Variants in ARHGAP33 observed in about 807,000 individuals in gnomAD.
ARHGAP33 encodes rho GTPase-activating protein 33.
In ARHGAP33, 57 loss-of-function variants were observed where a neutral mutation model predicts 126.2. The ratio of observed to expected loss-of-function variants is 0.45; its 90% confidence interval spans 0.36 to 0.56. ARHGAP33 has a LOEUF of 0.56. Among genes scored for constraint, ARHGAP33 ranks in the 20% least tolerant of loss-of-function variants. The pLI is 0.00. For synonymous variants in ARHGAP33, 711 were observed against 755.0 expected (o/e 0.94, Z 0.95); for missense variants, 1,500 against 1,748.3 (o/e 0.86, Z 2.53).
Position 35,787,805 on chromosome 19 carries a change from CAG to C in ARHGAP33, c.3241_3242del (p.Arg1081GlyfsTer7). On this transcript the variant is annotated frameshift_variant, in exon 21 of 21. Transcript: ENST00000007510. LOFTEE classifies it high-confidence loss of function. ...CTCTGGGCCCCCCTGCACCACTCGACAGGGGAGAGAACCTGTACTATGAGATC... is the reference window on the plus strand; with the variant it reads ...CTCTGGGCCCCCCTGCACCACTCGACGGGAGAGAACCTGTACTATGAGATC... ...SSLGPPAPLD[R>X]GENLYYEIGA... The C allele has an allele frequency of 1.3e-6, 2 of 1,599,174 alleles. No individual in the cohort carries two copies. Among genetic ancestry groups the C allele is most frequent in the Non-Finnish European group, 1.7e-6 (2 of 1,174,666 alleles).
rs1189083346 is a variant in ARHGAP33 at position 35,787,252 on chromosome 19, C to G, written c.2687C>G (p.Pro896Arg). The G allele has an allele frequency of 6.2e-7, 1 of 1,612,142 alleles. No homozygotes were observed. The part of the protein sequence containing the change: ...GGAPPPPPKN[P>R]ARLMALALAE... Reference sequence around the variant, plus strand: ...GCCCCACCCCCGCCCCCTAAGAACCCAGCACGCCTCATGGCCCTGGCCCTG... The same window carrying G: ...GCCCCACCCCCGCCCCCTAAGAACCGAGCACGCCTCATGGCCCTGGCCCTG... Residue 896 changes from proline to arginine, a missense_variant, in exon 21 of 21, where the codon CCA (proline) becomes CGA (arginine). Physicochemically the swap from Pro to Arg is moderately radical, Grantham distance 103 (BLOSUM62 -2). Around this residue, in one of 6 missense-constraint regions of ARHGAP33, gnomAD observed 642 missense variants for 634.0 expected, o/e 1.01. Coordinates refer to ENST00000007510, the MANE Select transcript of ARHGAP33 (RefSeq NM_001366178.1).
chr19:35,784,199 G>A lies in ARHGAP33; in HGVS notation c.1449G>A (p.Met483Ile). 1 of 1,611,886 alleles carries A rather than the reference G, an allele frequency of 6.2e-7. No individual in the cohort carries two copies. Among genetic ancestry groups the A allele is most frequent in the Non-Finnish European group, 8.5e-7 (1 of 1,178,774 alleles). The change falls in exon 16 of 21, where the codon ATG (methionine) becomes ATA (isoleucine). Residue 483 changes from methionine to isoleucine, a missense_variant. Coordinates refer to ENST00000007510, the MANE Select transcript of ARHGAP33 (RefSeq NM_001366178.1). ...LRSMELESVG[M>I]GGAAAFREVR... ...CCATGGAGCTGGAGTCAGTGGGAATGGGTGGCGCGGCGGCGTTCCGGGAAG... is the reference window on the plus strand; with the variant it reads ...CCATGGAGCTGGAGTCAGTGGGAATAGGTGGCGCGGCGGCGTTCCGGGAAG...
At position 35,786,858 on chromosome 19, in the gene ARHGAP33, A is replaced by T; in HGVS notation, c.2388A>T (p.Ser796=). The T allele has an allele frequency of 6.3e-7, 1 of 1,596,544 alleles. No individual in the cohort carries two copies. The highest frequency in any genetic ancestry group is 8.5e-7 in the Non-Finnish European group (1 of 1,174,566). Residue 796 remains serine, a synonymous_variant, in exon 20 of 21, where the codon TCA becomes TCT. Transcript: ENST00000007510. The surrounding 1 kb of genome is among the most constrained non-coding windows in gnomAD (Gnocchi z 7.0). The part of the protein sequence containing the change: ...SPASPAALDI[S]EPLAVSVPPA... The stretch of plus-strand genomic sequence containing the variant: ...CCTCGCCTGCTGCCCTAGACATCTC[A>T]GAGCCCCTGGCTGTATCAGTGCCAC...
chr19:35,785,809 T>C, intron 19 of ARHGAP33: 1 of 1,188,696 alleles, frequency 8.4e-7, no homozygotes, highest in South Asian at 2.0e-5. Context: ...CCCCTTCGAG[T>C]TCCTCCCCAC....
Position 35,787,961 on chromosome 19 carries a change from C to A in ARHGAP33, c.3396C>A (p.Pro1132=). The A allele has an allele frequency of 2.1e-6, 3 of 1,435,266 alleles. No individual in the cohort carries two copies. Among genetic ancestry groups the A allele is most frequent in the East Asian group, 6.0e-5 (2 of 33,364 alleles). The allele number at this position is 1,435,266 out of a possible 1,614,324, so 88.9% of individuals were successfully genotyped here. A position where few individuals can be genotyped will look rare whatever the true frequency, so the allele number is the denominator to read the frequency against. The part of the protein sequence containing the change: ...LGQSPPLHRS[P]DFLLSYPPAP... ...AATCACCCCCACTCCACAGGTCCCC[C>A]GACTTCCTGCTCAGCTACCCGCCAG... Residue 1132 remains proline (P), a synonymous_variant, in exon 21 of 21, where the codon CCC becomes CCA. Coordinates refer to ENST00000007510, the MANE Select transcript of ARHGAP33 (RefSeq NM_001366178.1).
intron 1 of ARHGAP33, among the ~76,000 whole-genome samples, chr19:35,776,197 C>CTGAG (rs1971450652): frequency 6.7e-6 from 1 of 150,344 alleles, no homozygotes; most frequent in Admixed American, 6.6e-5. Context: ...CCGCATCAGT[C>CTGAG]TGAGCCTTTG....
Position 35,777,913 on chromosome 19 carries a change from G to A in ARHGAP33, c.189+5G>A. The A allele has an allele frequency of 8.1e-6, 13 of 1,614,078 alleles. No individual in the cohort carries two copies. The highest frequency in any genetic ancestry group is 1.1e-5 in the Non-Finnish European group (13 of 1,179,938). On this transcript the variant is annotated splice_donor_5th_base_variant and intron_variant, in intron 3 of 20. Coordinates refer to ENST00000007510, the MANE Select transcript of ARHGAP33 (RefSeq NM_001366178.1). ...GTTGACTTTGGCCACATTCAGGTAT[G>A]GGGGCTTTGCATTTGCACCCAGGAG...
intron 3 of ARHGAP33, 43 bp downstream of exon 3, chr19:35,777,951 C>G (rs1971546239): frequency 6.3e-7 from 1 of 1,592,622 alleles, no homozygotes; most frequent in Non-Finnish European, 8.6e-7. Context: ...AAGACAATAT[C>G]CTACCCAACC....
rs890651621 is a variant in ARHGAP33, at chr19:35,786,473, G to A, written c.2003G>A (p.Gly668Asp). ...TCCAGCAGCGACGCTTTCCCTGTGG[G>A]CCCAGCACCTGCTGGCTCCTGCGAG... The part of the protein sequence containing the change: ...PHSSSDAFPV[G>D]PAPAGSCESL... Residue 668 changes from glycine (G) to aspartate (D), a missense_variant, in exon 20 of 21, where the codon GGC (glycine) becomes GAC (aspartate). Coordinates refer to ENST00000007510, the MANE Select transcript of ARHGAP33 (RefSeq NM_001366178.1). This position sits in a 1 kb window ranked among gnomAD's most constrained non-coding sequence, Gnocchi z 7.0. The A allele has an allele frequency of 1.0e-5, 16 of 1,535,800 alleles. No individual in the cohort carries two copies. Among genetic ancestry groups the A allele is most frequent in the Non-Finnish European group, 1.4e-5 (16 of 1,146,776 alleles).
intron 19 of ARHGAP33, 27 bp downstream of exon 19, chr19:35,785,510 G>A (rs777970780): frequency 1.1e-5 from 18 of 1,613,840 alleles, no homozygotes; most frequent in South Asian, 4.4e-5. Flanking sequence ...ATTGGGGGGC[G>A]CTACCTGTGC....
intron 16 of ARHGAP33, chr19:35,784,577 A>T (rs1457843796): frequency 1.2e-5 from 16 of 1,306,800 alleles, no homozygotes; most frequent in Non-Finnish European, 1.5e-5. Context: ...GCTTGGGGCC[A>T]TGGGTCCACC....
rs1446853330 is a variant in ARHGAP33, at chr19:35,788,362, C to T, written c.3797C>T (p.Pro1266Leu). Residue 1266 changes from proline to leucine, a missense_variant, in exon 21 of 21, where the codon CCC (proline) becomes CTC (leucine). This residue lies in a region of ARHGAP33 where 642 missense variants were observed against 634.0 expected (regional missense o/e 1.01). Coordinates refer to ENST00000007510, the MANE Select transcript of ARHGAP33 (RefSeq NM_001366178.1). ...NGGQRGEGAG[P>L]PPPYPTPSWS... ...GGGCAAAGAGGGGAGGGGGCTGGTCCCCCACCCCCTTACCCCACTCCCAGC... is the reference window on the plus strand; with the variant it reads ...GGGCAAAGAGGGGAGGGGGCTGGTCTCCCACCCCCTTACCCCACTCCCAGC... The T allele has an allele frequency of 6.3e-7, 1 of 1,599,690 alleles. No homozygotes were observed. The highest frequency in any genetic ancestry group is 8.5e-7 in the Non-Finnish European group (1 of 1,174,074).
At position 35,788,745 on chromosome 19, in the gene ARHGAP33, GA is replaced by G; in HGVS notation, c.*317del. On this transcript the variant is annotated 3_prime_UTR_variant, in exon 21 of 21. Transcript: ENST00000007510. ...CCTGACCTGTGCACGGGGATGGGGGGACAACTCCTACCCTTCTTTCCCCACA... is the reference window on the plus strand; with the variant it reads ...CCTGACCTGTGCACGGGGATGGGGGGCAACTCCTACCCTTCTTTCCCCACA... The G allele has an allele frequency of 3.3e-6, 1 of 306,140 alleles. No individual in the cohort carries two copies. The highest frequency in any genetic ancestry group is 6.0e-6 in the Non-Finnish European group (1 of 166,500). 19.0% of individuals were successfully genotyped at this position (306,140 alleles called of 1,614,324 possible).
At chr19:35,777,957 C>T (rs1277337478) in intron 3 of ARHGAP33, 49 bp downstream of exon 3, 1 of 1,584,044 alleles carries the variant, frequency 6.3e-7, no homozygotes, top group East Asian at 2.2e-5. Context: ...ATATCCTACC[C>T]AACCTTGCAA....
At chr19:35,787,097 C>A (rs1378496711) in intron 20 of ARHGAP33, 25 bp downstream of exon 20, 1 of 1,592,542 alleles carries the variant, frequency 6.3e-7, no homozygotes, top group African/African-American at 1.3e-5. Context: ...TACCCCACCC[C>A]TGTCCCCGCC....
At position 35,786,522 on chromosome 19, in the gene ARHGAP33, C is replaced by G. The variant is rs892118823; in HGVS notation, c.2052C>G (p.Ser684=). 4 of 1,535,674 alleles carry G rather than the reference C, an allele frequency of 2.6e-6. No homozygotes were observed. Among genetic ancestry groups the G allele is most frequent in the East Asian group, 2.4e-5 (1 of 40,904 alleles). Residue 684 remains serine (S), a synonymous_variant, in exon 20 of 21, where the codon TCC becomes TCG. Transcript: ENST00000007510. This position sits in a 1 kb window ranked among gnomAD's most constrained non-coding sequence, Gnocchi z 7.0. ...AGAGCCTGTCCTCGTCCTCCTCCTCCGAGTCCTCCTCCTCTGAGTCCTCCT... is the reference window on the plus strand; with the variant it reads ...AGAGCCTGTCCTCGTCCTCCTCCTCGGAGTCCTCCTCCTCTGAGTCCTCCT... ...SCESLSSSSS[S]ESSSSESSSS... is the part of the protein sequence containing the mutation.
chr19:35,783,510 G>A (rs1397672028), intron 15 of ARHGAP33, among the ~76,000 whole-genome samples: 3 of 152,186 alleles, frequency 2.0e-5, no homozygotes, highest in Admixed American at 6.5e-5. Flanking sequence ...AGGTGCGCAC[G>A]TGGGGAGTGA....
In ARHGAP33 at chr19:35,777,896, T is replaced by C; in HGVS notation, c.177T>C (p.Phe59=). The C allele has an allele frequency of 1.2e-6, 2 of 1,614,208 alleles. No individual in the cohort carries two copies. The highest frequency in any genetic ancestry group is 3.3e-5 in the Admixed American group (2 of 60,026). Residue 59 remains phenylalanine (F), a synonymous_variant, in exon 3 of 21, where the codon TTT becomes TTC. Coordinates refer to ENST00000007510, the MANE Select transcript of ARHGAP33 (RefSeq NM_001366178.1). The part of the protein sequence containing the change: ...CAHFHYENVD[F]GHIQLLLSPD... ...ATTTCCACTACGAGAACGTTGACTT[T>C]GGCCACATTCAGGTATGGGGGCTTT...
In ARHGAP33 at chr19:35,788,282, G is replaced by A. The variant is rs552398326; in HGVS notation, c.3717G>A (p.Pro1239=). 9.1e-5 allele frequency: 146 copies of A among 1,609,550 alleles called. No homozygotes were observed. The highest frequency in any genetic ancestry group is 1.7e-4 in the Middle Eastern group (1 of 6,038). The change falls in exon 21 of 21, where the codon CCG becomes CCA. Residue 1239 remains proline, a synonymous_variant. Transcript: ENST00000007510. ...CTCTCCTGCTCTACAGGGCAGCCCCGCCAGCCTACGGAAGGGGGGGCGAGC... is the reference window on the plus strand; with the variant it reads ...CTCTCCTGCTCTACAGGGCAGCCCCACCAGCCTACGGAAGGGGGGGCGAGC... ...PEPLLLYRAA[P]PAYGRGGELH...
Sources: gnomAD v4.1 joint callset for allele counts (sites outside exome capture counted in the v4.1 genomes callset) on GRCh38, gnomAD v4.1.1 for gene constraint, gnomAD v4.1.1 regional missense constraint, Gnocchi (gnomAD v3.1) non-coding constraint, MANE v1.5 for transcripts, NCBI Gene and HGNC (gene_info 2026-07-23, HGNC 2026-07-21) for gene names.